Variants in ZNF503 observed in about 807,000 individuals in gnomAD.
ZNF503 encodes the protein zinc finger protein 503, also known as NocA-like zinc finger 2.
A neutral mutation model predicts 34.4 loss-of-function variants in ZNF503; 15 were observed. That is an observed-to-expected ratio of 0.44 (90% CI 0.29 to 0.67). The LOEUF is 0.67. Among genes scored for constraint, ZNF503 ranks in the 30% least tolerant of loss-of-function variants. The pLI, the probability that ZNF503 is intolerant of heterozygous loss-of-function variation, is 0.13. For missense variants in ZNF503, 1,007 were observed against 926.8 expected (o/e 1.09, Z -1.12); for synonymous variants, 580 against 456.8 (o/e 1.27, Z -3.44).
the ZNF503 span, among the ~76,000 whole-genome samples, chr10:75,330,188 A>G: frequency 6.6e-6 from 1 of 152,210 alleles, no homozygotes; most frequent in Non-Finnish European, 1.5e-5. Context: ...TCATCCTTGC[A>G]TCCAGGGGTT....
At chr10:75,317,618 A>G in the ZNF503 span, among the ~76,000 whole-genome samples, 1 of 152,110 alleles carries the variant, frequency 6.6e-6, no homozygotes, top group Non-Finnish European at 1.5e-5. Context: ...TAGAAATTAA[A>G]TTTCAACATA....
chr10:75,349,735 A>AG, the ZNF503 span, among the ~76,000 whole-genome samples: 1 of 152,252 alleles, frequency 6.6e-6, no homozygotes, highest in African/African-American at 2.4e-5. Flanking sequence ...CTGTGCCTGG[A>AG]GGCAGGGCCT....
the ZNF503 span, among the ~76,000 whole-genome samples, chr10:75,285,098 C>G: frequency 3.3e-5 from 5 of 152,336 alleles, no homozygotes; most frequent in East Asian, 9.6e-4. Flanking sequence ...CCTGACTTAT[C>G]AACATAACTA....
the ZNF503 span, among the ~76,000 whole-genome samples, chr10:75,327,669 C>A: frequency 3.9e-5 from 6 of 152,286 alleles, no homozygotes; most frequent in South Asian, 6.2e-4. Flanking sequence ...TTTGAGGAAG[C>A]TACATACTGT....
chr10:75,348,083 G>T, the ZNF503 span, among the ~76,000 whole-genome samples: 5 of 149,854 alleles, frequency 3.3e-5, no homozygotes, highest in South Asian at 6.3e-4. Context: ...TGTTTTTTTT[G>T]AGACAGTCTT....
chr10:75,328,214 T>G, the ZNF503 span, among the ~76,000 whole-genome samples: 1 of 152,322 alleles, frequency 6.6e-6, no homozygotes, highest in Non-Finnish European at 1.5e-5. Context: ...TTTCTTCTAG[T>G]AGTTTCATCA....
chr10:75,326,716 C>T, the ZNF503 span, among the ~76,000 whole-genome samples: 3 of 151,278 alleles, frequency 2.0e-5, no homozygotes, highest in African/African-American at 7.3e-5. Context: ...TTTTTTCAGA[C>T]AAAGTCTCGC....
At chr10:75,343,933 A>T in the ZNF503 span, among the ~76,000 whole-genome samples, 1 of 152,234 alleles carries the variant, frequency 6.6e-6, no homozygotes, top group African/African-American at 2.4e-5. Flanking sequence ...CCATGCAGGC[A>T]GACTGTACGG....
chr10:75,353,069 A>T, the ZNF503 span, among the ~76,000 whole-genome samples: 2 of 152,250 alleles, frequency 1.3e-5, no homozygotes, highest in African/African-American at 4.8e-5. Flanking sequence ...CCCTGAGTTG[A>T]CGGGCAAGTC....
chr10:75,303,278 GA>G, the ZNF503 span, among the ~76,000 whole-genome samples: 1 of 152,202 alleles, frequency 6.6e-6, no homozygotes, highest in African/African-American at 2.4e-5. Flanking sequence ...CTTCAGGTGA[GA>G]GAAACAACTG....
At chr10:75,291,429 T>G in the ZNF503 span, among the ~76,000 whole-genome samples, 1 of 152,110 alleles carries the variant, frequency 6.6e-6, no homozygotes, top group Non-Finnish European at 1.5e-5. Flanking sequence ...CTGGCCAACA[T>G]GGTGAAACCC....
At chr10:75,367,409 C>T in the ZNF503 span, among the ~76,000 whole-genome samples, 1,326 of 152,286 alleles carry the variant, frequency 8.7e-3, 9 homozygotes, top group Non-Finnish European at 0.015. Flanking sequence ...AATGGCGCTC[C>T]GGAGACTGCT....
chr10:75,366,060 T>G, the ZNF503 span, among the ~76,000 whole-genome samples: 1 of 152,158 alleles, frequency 6.6e-6, no homozygotes. Context: ...CCGCAAAGAT[T>G]CAGTTAGTAG....
the ZNF503 span, among the ~76,000 whole-genome samples, chr10:75,333,847 G>C: frequency 0.17 from 2,542 of 14,952 alleles, 188 homozygotes; most frequent in South Asian, 0.29. Flanking sequence ...AGACGCTCCT[G>C]ACCTCCCAGA....
rs1162497789 is a variant in ZNF503, at chr10:75,400,119, C to A, written c.571G>T (p.Gly191Cys). The change falls in exon 2 of 2, where the codon GGC becomes TGC. Residue 191 changes from glycine to cysteine, a missense_variant. Transcript: ENST00000372524. ...CCGCCACCGCCACCGCCTCCACCGC[C>A]GCCTCCCGGCTCCTTCTTATCCGAG... ...PGSDKKEPGG[G>C]GGGGGGGGGG... 2.6e-6 allele frequency: 4 copies of A among 1,548,564 alleles called. 1 individual carries two copies. Among genetic ancestry groups the A allele is most frequent in the South Asian group, 2.4e-5 (2 of 84,008 alleles).
chr10:75,322,696 C>T, the ZNF503 span, among the ~76,000 whole-genome samples: 1 of 151,958 alleles, frequency 6.6e-6, no homozygotes, highest in East Asian at 1.9e-4. Context: ...AAAAAATTAG[C>T]TGAGCATGGT....
At chr10:75,350,473 A>T in the ZNF503 span, 1 of 152,226 alleles carries the variant, frequency 6.6e-6, no homozygotes, top group Non-Finnish European at 1.5e-5. Flanking sequence ...AATCAGAGGT[A>T]ACCACTGTTA....
the ZNF503 span, among the ~76,000 whole-genome samples, chr10:75,368,324 G>T: frequency 6.6e-6 from 1 of 152,026 alleles, no homozygotes; most frequent in Non-Finnish European, 1.5e-5. Flanking sequence ...ATTTTCAAGG[G>T]TACCAATAAG....
the ZNF503 span, among the ~76,000 whole-genome samples, chr10:75,354,886 C>G: frequency 6.6e-6 from 1 of 152,176 alleles, no homozygotes; most frequent in African/African-American, 2.4e-5. Flanking sequence ...CACTCTATCG[C>G]CCAGGCTGGA....
Sources: gnomAD v4.1 joint callset for allele counts (sites outside exome capture counted in the v4.1 genomes callset) on GRCh38, gnomAD v4.1.1 for gene constraint, MANE v1.5 for transcripts, NCBI Gene and HGNC (gene_info 2026-07-23, HGNC 2026-07-21) for gene names.